The following VPS13C variants were observed in gnomAD, a reference collection of about 807,000 sequenced individuals.
The protein encoded by VPS13C is intermembrane lipid transfer protein VPS13C.
A neutral mutation model predicts 456.8 loss-of-function variants in VPS13C; 358 were observed. The observed-to-expected ratio is 0.78, with a 90% confidence interval of 0.72 to 0.86. The LOEUF is 0.86. VPS13C is among the 40% of genes least tolerant of loss of function. The pLI is 0.00. For synonymous variants in VPS13C, 1,578 were observed against 1,486.7 expected, an observed-to-expected ratio of 1.06 and a Z score of -1.41; for missense variants, 4,818 against 4,385.4, an observed-to-expected ratio of 1.10 and a Z score of -2.79.
chr15:62,052,672 C>CAAAAAAAAAAAAAAAAAAAA (rs35444089), intron 1 of VPS13C, among the ~76,000 whole-genome samples: 2 of 70,542 alleles, frequency 2.8e-5, no homozygotes, highest in African/African-American at 5.9e-5. Context: ...GACTCCGTCT[C>CAAAAAAAAAAAAAAAAAAAA]AAAAAAAAAA....
Position 61,853,735 on chromosome 15 carries a change from T to C in VPS13C, c.*722A>G, listed in dbSNP as rs1409413874. 1 of 152,120 alleles carries C rather than the reference T, an allele frequency of 6.6e-6. No homozygotes were observed. The highest frequency in any genetic ancestry group is 1.5e-5 in the Non-Finnish European group (1 of 68,006). 9.4% of individuals were successfully genotyped at this position (152,120 alleles called of 1,614,324 possible). On this transcript the variant is annotated 3_prime_UTR_variant, in exon 85 of 85. Transcript: ENST00000644861. The stretch of plus-strand genomic sequence containing the variant: ...CAAAATGTCAGGATCCAACATTTGT[T>C]CATGGGTTAAAGCCTTTTGGCGGGC...
chr15:61,987,327 G>C (rs767838913), intron 18 of VPS13C, among the ~76,000 whole-genome samples: 1 of 152,120 alleles, frequency 6.6e-6, no homozygotes, highest in Admixed American at 6.5e-5. Flanking sequence ...CCTGAGACTG[G>C]ATAATTTATC....
chr15:62,038,682 T>G (rs931716833), intron 3 of VPS13C, among the ~76,000 whole-genome samples: 1 of 151,386 alleles, frequency 6.6e-6, no homozygotes, highest in African/African-American at 2.4e-5. Flanking sequence ...TACAGAAAGG[T>G]AGAAAATATT....
chr15:61,890,415 G>A lies in VPS13C; in HGVS notation c.9106-15C>T, dbSNP rs761820919. ...CCACATCCATCCTGGGAAGAAGAAA[G>A]ACTTCATTAAACCCACACATAGTAA... On this transcript the variant is annotated splice_polypyrimidine_tract_variant and intron_variant, in intron 66 of 84. Coordinates refer to ENST00000644861, the MANE Select transcript of VPS13C (RefSeq NM_020821.3). The A allele has an allele frequency of 6.2e-7, 1 of 1,607,126 alleles. No homozygotes were observed. Among genetic ancestry groups the A allele is most frequent in the South Asian group, 1.1e-5 (1 of 90,692 alleles).
At chr15:62,023,874 A>G in intron 6 of VPS13C, 29 bp from the exon 7 acceptor site, 1 of 1,594,418 alleles carries the variant, frequency 6.3e-7, no homozygotes, top group Non-Finnish European at 8.6e-7. Context: ...TTAGTGAGAA[A>G]AGGATAAGAT....
chr15:61,954,509 T>G lies in VPS13C; in HGVS notation c.4211A>C (p.His1404Pro). 6.2e-7 allele frequency: 1 copy of G among 1,608,430 alleles called. No homozygotes were observed. The highest frequency in any genetic ancestry group is 1.7e-5 in the Admixed American group (1 of 59,188). ...AGTTGTTAAAGTATTTTTTGAATCA[T>G]GTACATCTTGTGATATAGAGATTTC... ...PLEISISQDV[H>P]DSKNTLTTGV... Residue 1404 changes from histidine (H) to proline (P), a missense_variant, in exon 38 of 85, where the codon CAT (histidine) becomes CCT (proline). Transcript: ENST00000644861.
At chr15:61,960,523 ATAGT>A (rs1309307958) in intron 35 of VPS13C, among the ~76,000 whole-genome samples, 1 of 152,198 alleles carries the variant, frequency 6.6e-6, no homozygotes, top group Non-Finnish European at 1.5e-5. Context: ...GAATTATATC[ATAGT>A]TAATATAAGA....
intron 30 of VPS13C, 62 bp from the exon 31 acceptor site, chr15:61,964,923 G>A (rs975604081): frequency 3.9e-5 from 57 of 1,466,732 alleles, no homozygotes; most frequent in Admixed American, 1.1e-4. Flanking sequence ...TAGTCTCCAC[G>A]ACAGACCCAA....
rs760642450 is a variant in VPS13C, at chr15:62,028,435, G to T, written c.386-15C>A. On this transcript the variant is annotated splice_polypyrimidine_tract_variant and intron_variant, in intron 5 of 84. Coordinates refer to ENST00000644861, the MANE Select transcript of VPS13C (RefSeq NM_020821.3). The stretch of plus-strand genomic sequence containing the variant: ...TGAATGTGTGCCTGCATCCCACATG[G>T]CAGCAATAACCAAAATGCAAAGCAA... 6.2e-7 allele frequency: 1 copy of T among 1,612,300 alleles called. No homozygotes were observed. Among genetic ancestry groups the T allele is most frequent in the Non-Finnish European group, 8.5e-7 (1 of 1,178,892 alleles).
Position 61,978,609 on chromosome 15 carries a change from G to T in VPS13C, c.2290+17C>A. 1 of 1,607,114 alleles carries T rather than the reference G, an allele frequency of 6.2e-7. No homozygotes were observed. The highest frequency in any genetic ancestry group is 1.3e-5 in the African/African-American group (1 of 74,740). ...CCATCATAATCCCAAGATCCTAAAA[G>T]CTGAATAACGGTTTACCTGCTCTTG... is the stretch of plus-strand genomic sequence containing the variant. On this transcript the variant is annotated intron_variant, in intron 23 of 84. Transcript: ENST00000644861.
At chr15:61,866,291 T>G (rs1317383922) in intron 81 of VPS13C, 1 of 983,534 alleles carries the variant, frequency 1.0e-6, no homozygotes, top group African/African-American at 1.7e-5. Context: ...TTGTCTGATA[T>G]CTTAATAAAA....
chr15:61,894,690 C>T (rs2042753352), intron 66 of VPS13C, among the ~76,000 whole-genome samples: 1 of 152,016 alleles, frequency 6.6e-6, no homozygotes, highest in Non-Finnish European at 1.5e-5. Context: ...GAGGATATAA[C>T]AGTTGTAAAT....
intron 27 of VPS13C, among the ~76,000 whole-genome samples, chr15:61,972,279 A>T (rs1157295428): frequency 6.6e-6 from 1 of 152,222 alleles, no homozygotes; most frequent in African/African-American, 2.4e-5. Flanking sequence ...GAGCAATATT[A>T]TTTAGCTTAA....
rs180757384 is a variant in VPS13C, at chr15:62,023,837, G to A, written c.457C>T (p.Arg153Cys). Residue 153 changes from arginine (R) to cysteine (C), a missense_variant, in exon 7 of 85, where the codon CGT becomes TGT. Coordinates refer to ENST00000644861, the MANE Select transcript of VPS13C (RefSeq NM_020821.3). ...VYKDIKPGRKRKKHKKHFKKP... is the reference protein window; with the variant it reads ...VYKDIKPGRKCKKHKKHFKKP... ...TTAAAATGTTTTTTGTGCTTTTTAC[G>A]TTTACGTCCTTCACAGTGGAAGCAT... 1.4e-4 allele frequency: 228 copies of A among 1,610,114 alleles called. No individual in the cohort carries two copies. The East Asian group carries it at 3.7e-3, about 26-fold the overall frequency.
Position 62,023,784 on chromosome 15 carries a change from T to G in VPS13C, c.510A>C (p.Ser170=), listed in dbSNP as rs772622247. 3 of 1,610,218 alleles carry G rather than the reference T, an allele frequency of 1.9e-6. No homozygotes were observed. Among genetic ancestry groups the G allele is most frequent in the East Asian group, 4.5e-5 (2 of 44,702 alleles). Residue 170 remains serine, a synonymous_variant, in exon 7 of 85, where the codon TCA becomes TCC. Transcript: ENST00000644861. ...FKKPFKGLDR[S]KDKPKEAKKD... ...CATAAAACTACTTTTACCTACCTTTTGAACGATCAAGACCTTTAAAAGGTT... is the reference window on the plus strand; with the variant it reads ...CATAAAACTACTTTTACCTACCTTTGGAACGATCAAGACCTTTAAAAGGTT...
chr15:62,015,947 A>C (rs1202353375), intron 9 of VPS13C, among the ~76,000 whole-genome samples: 1 of 110,606 alleles, frequency 9.0e-6, no homozygotes, highest in African/African-American at 2.9e-5. Flanking sequence ...AATAAAAAAT[A>C]AAAAAAGAAG....
rs1555416409 is a variant in VPS13C at position 61,909,134 on chromosome 15, G to GTT, written c.8845-10_8845-9insAA. 6.9e-7 allele frequency: 1 copy of GTT among 1,449,166 alleles called. No homozygotes were observed. The allele number at this position is 1,449,166 out of a possible 1,614,324, so 89.8% of individuals were successfully genotyped here. On this transcript the variant is annotated splice_polypyrimidine_tract_variant and intron_variant, in intron 64 of 84. Coordinates refer to ENST00000644861, the MANE Select transcript of VPS13C (RefSeq NM_020821.3). ...ACCAAGATACCCCCATTCTATTGTA[G>GTT]AAAAAAAAAAAGTATGTTTGATGTA... is the stretch of plus-strand genomic sequence containing the variant.
chr15:61,977,076 C>A lies in VPS13C; in HGVS notation c.2408+6G>T. The A allele has an allele frequency of 6.4e-7, 1 of 1,573,166 alleles. No homozygotes were observed. The highest frequency in any genetic ancestry group is 8.7e-7 in the Non-Finnish European group (1 of 1,151,944). ...TTTTCTAATATAAAAGAAGTTTATA[C>A]ATTACCTGGCCATTCTAATGTCTTT... is the stretch of plus-strand genomic sequence containing the variant. On this transcript the variant is annotated splice_donor_region_variant and intron_variant, in intron 24 of 84. Transcript: ENST00000644861.
chr15:61,957,006 A>T (rs746516840), intron 37 of VPS13C, among the ~76,000 whole-genome samples: 2 of 152,172 alleles, frequency 1.3e-5, no homozygotes, highest in African/African-American at 2.4e-5. Context: ...ACACAATAAC[A>T]TTCATAGCAA....
Sources: allele counts gnomAD v4.1 joint callset (sites outside exome capture counted in the v4.1 genomes callset), GRCh38; gene constraint gnomAD v4.1.1; transcripts MANE v1.5; gene names NCBI Gene and HGNC (gene_info 2026-07-23, HGNC 2026-07-21).